RAD21L1: variants seen among roughly 807,000 people sequenced by gnomAD.
RAD21L1 encodes RAD21 cohesin complex component like 1.
In RAD21L1, 47 loss-of-function variants were observed where a neutral mutation model predicts 69.0. The ratio of observed to expected loss-of-function variants is 0.68; its 90% CI spans 0.54 to 0.87. The LOEUF is 0.87. Among genes scored for constraint, RAD21L1 ranks in the 40% least tolerant of loss-of-function variants. The pLI, the probability that RAD21L1 is intolerant of heterozygous loss-of-function variation, is 0.00. For synonymous variants in RAD21L1, 177 were observed against 205.8 expected (o/e 0.86, Z 1.20); for missense variants, 583 against 647.6 (o/e 0.90, Z 1.08).
rs1204140220 is a variant in RAD21L1 at position 1,255,233 on chromosome 20, C to A, written c.*776C>A. ...CATTAATGTGTCAGCAAAACTAAAT[C>A]TGCTTCTTATGTTTAAAAAAATTAG... On this transcript the variant is annotated 3_prime_UTR_variant, in exon 14 of 14. Coordinates refer to ENST00000683101, the MANE Select transcript of RAD21L1 (RefSeq NM_001384355.1). Among the ~76,000 whole-genome samples the A allele has an allele frequency of 6.6e-6, 1 of 152,150 alleles. No individual in the cohort carries two copies. Among genetic ancestry groups the A allele is most frequent in the Non-Finnish European group, 1.5e-5 (1 of 68,022 alleles).
In RAD21L1 at chr20:1,242,861, C is replaced by T. The variant is rs776734799; in HGVS notation, c.1083+16C>T. 5 of 1,478,608 alleles carry T rather than the reference C, an allele frequency of 3.4e-6. No individual in the cohort carries two copies. The Admixed American group carries it at 5.9e-5, about 17-fold the overall frequency. The allele number at this position is 1,478,608 out of a possible 1,614,324, so 91.6% of individuals were successfully genotyped here. A position where few individuals can be genotyped will look rare whatever the true frequency, so the allele number is the denominator to read the frequency against. On this transcript the variant is annotated intron_variant, in intron 9 of 13. Coordinates refer to ENST00000683101, the MANE Select transcript of RAD21L1 (RefSeq NM_001384355.1). ...ACTGAAAATGGTAACGGTTCCTACC[C>T]TTCTACATGTGAGCAATGTCTGGTT...
intron 12 of RAD21L1, among the ~76,000 whole-genome samples, chr20:1,248,389 T>C (rs928898488): frequency 1.3e-5 from 2 of 152,246 alleles, no homozygotes; most frequent in South Asian, 2.1e-4. Flanking sequence ...GAATCTCCTA[T>C]TTTGGAGCCT....
At position 1,239,409 on chromosome 20, in the gene RAD21L1, T is replaced by A. The variant is rs2122822457; in HGVS notation, c.742+2T>A. 1 of 1,520,160 alleles carries A rather than the reference T, an allele frequency of 6.6e-7. No individual in the cohort carries two copies. The highest frequency in any genetic ancestry group is 8.9e-7 in the Non-Finnish European group (1 of 1,120,724). 94.2% of individuals were successfully genotyped at this position (1,520,160 alleles called of 1,614,324 possible). A position where few individuals can be genotyped will look rare whatever the true frequency, so the allele number is the denominator to read the frequency against. ...CTGAGCCTCCCAATAGTTTAGCAGGTAGGTTGAAATTTTCCTTTATGAGAA... is the reference window on the plus strand; with the variant it reads ...CTGAGCCTCCCAATAGTTTAGCAGGAAGGTTGAAATTTTCCTTTATGAGAA... On this transcript the variant is annotated splice_donor_variant, in intron 7 of 13. Transcript: ENST00000683101. LOFTEE classifies it high-confidence loss of function.
chr20:1,250,414 G>A (rs746302616), intron 13 of RAD21L1, among the ~76,000 whole-genome samples: 36 of 151,958 alleles, frequency 2.4e-4, no homozygotes, highest in Middle Eastern at 3.4e-3. Flanking sequence ...GTGTCCAAGT[G>A]TTCTCATTTT....
rs1460361058 is a variant in RAD21L1 at position 1,250,242 on chromosome 20, C to CA, written c.1479+1539_1479+1540insA. 1.5e-4 allele frequency among the ~76,000 whole-genome samples: 22 copies of CA among 146,352 alleles called. No homozygotes were observed. The East Asian group carries it at 3.0e-3, about 20-fold the overall frequency. ...GGTGTATATGTGCCACATTTTCTTT[C>CA]TTTTTTTTTCTTTTTTTCTTTTTTA... On this transcript the variant is annotated intron_variant, in intron 13 of 13. Transcript: ENST00000683101.
chr20:1,254,980 T>G lies in RAD21L1; in HGVS notation c.*523T>G, dbSNP rs1216350156. ...CTTAAAAGGCTATTTTACATTGGAG[T>G]ATTTACTTGAATTTTATGGGGTTAA... On this transcript the variant is annotated 3_prime_UTR_variant, in exon 14 of 14. Coordinates refer to ENST00000683101, the MANE Select transcript of RAD21L1 (RefSeq NM_001384355.1). 1.3e-5 allele frequency among the ~76,000 whole-genome samples: 2 copies of G among 152,204 alleles called. No homozygotes were observed. The highest frequency in any genetic ancestry group is 2.9e-5 in the Non-Finnish European group (2 of 68,036).
chr20:1,243,120 C>A lies in RAD21L1; in HGVS notation c.1107C>A (p.Ser369=), dbSNP rs1226375606. Residue 369 remains serine, a synonymous_variant, in exon 10 of 14, where the codon TCC becomes TCA. Coordinates refer to ENST00000683101, the MANE Select transcript of RAD21L1 (RefSeq NM_001384355.1). ...AGTTGTTTACAAAATGCTTTCTGTC[C>A]TCTGGCTTTAAACTTGGAAGAAAAA... ...LKMLFTKCFL[S]SGFKLGRKMI... 6.5e-7 allele frequency: 1 copy of A among 1,534,642 alleles called. No individual in the cohort carries two copies. The highest frequency in any genetic ancestry group is 8.8e-7 in the Non-Finnish European group (1 of 1,141,224).
In RAD21L1 at chr20:1,244,050, A is replaced by G. The variant is rs1290466848; in HGVS notation, c.1188A>G (p.Thr396=). 6.5e-7 allele frequency: 1 copy of G among 1,549,092 alleles called. No individual in the cohort carries two copies. The highest frequency in any genetic ancestry group is 2.0e-5 in the Admixed American group (1 of 50,744). The stretch of plus-strand genomic sequence containing the variant: ...TTTATTTCCTTGATAATTCAGAGAC[A>G]TCCATGATGCAAGAGCCAAATTACC... ...EEVGNQNIVE[T]SMMQEPNYQQ... is the part of the protein sequence containing the mutation. Residue 396 remains threonine (T), a synonymous_variant, in exon 11 of 14, where the codon ACA becomes ACG. Transcript: ENST00000683101.
At chr20:1,227,281 A>G (rs1278947461) in intron 1 of RAD21L1, among the ~76,000 whole-genome samples, 1 of 152,270 alleles carries the variant, frequency 6.6e-6, no homozygotes, top group Non-Finnish European at 1.5e-5. Flanking sequence ...ATTTATTCCG[A>G]GAGAGCGAAA....
chr20:1,230,796 TTTA>T lies in RAD21L1; in HGVS notation c.275-724_275-722del, dbSNP rs1327553201. 18 of 492,962 alleles carry T rather than the reference TTTA, an allele frequency of 3.7e-5. 2 individuals are homozygous for T. Among genetic ancestry groups the T allele is most frequent in the Middle Eastern group, 1.0e-3 (1 of 966 alleles). 30.5% of individuals were successfully genotyped at this position (492,962 alleles called of 1,614,324 possible). A position where few individuals can be genotyped will look rare whatever the true frequency, so the allele number is the denominator to read the frequency against. On this transcript the variant is annotated intron_variant, in intron 3 of 13. Coordinates refer to ENST00000683101, the MANE Select transcript of RAD21L1 (RefSeq NM_001384355.1). ...ATATCAAGTATGGTTCATTTGTTCG[TTTA>T]TTATTTTTTTACATATTCCACAAAT... is the stretch of plus-strand genomic sequence containing the variant.
In RAD21L1 at chr20:1,254,494, A is replaced by T; in HGVS notation, c.*37A>T. ...ACATACAGATTTATGGCATCACTGG[A>T]ATTTCTGTGTAGATTGTTCAATTTA... On this transcript the variant is annotated 3_prime_UTR_variant, in exon 14 of 14. Coordinates refer to ENST00000683101, the MANE Select transcript of RAD21L1 (RefSeq NM_001384355.1). 7.1e-7 allele frequency: 1 copy of T among 1,400,252 alleles called. No individual in the cohort carries two copies. Among genetic ancestry groups the T allele is most frequent in the Non-Finnish European group, 9.6e-7 (1 of 1,045,942 alleles). The allele number at this position is 1,400,252 out of a possible 1,614,324, so 86.7% of individuals were successfully genotyped here. A position where few individuals can be genotyped will look rare whatever the true frequency, so the allele number is the denominator to read the frequency against.
At chr20:1,237,368 A>C (rs1184954821) in intron 5 of RAD21L1, among the ~76,000 whole-genome samples, 1 of 152,186 alleles carries the variant, frequency 6.6e-6, no homozygotes, top group African/African-American at 2.4e-5. Flanking sequence ...CTTGTCATTT[A>C]TTATAGTGTG....
intron 13 of RAD21L1, among the ~76,000 whole-genome samples, chr20:1,252,351 C>G (rs951188838): frequency 2.0e-5 from 3 of 152,054 alleles, no homozygotes; most frequent in Non-Finnish European, 4.4e-5. Context: ...TGGGTGGCAC[C>G]TCTCACCTTC....
At chr20:1,244,334 C>T (rs1294710145) in intron 11 of RAD21L1, among the ~76,000 whole-genome samples, 164 bp downstream of exon 11, 1 of 152,134 alleles carries the variant, frequency 6.6e-6, no homozygotes, top group Non-Finnish European at 1.5e-5. Flanking sequence ...TGATTTTCTT[C>T]TGCAGAATTT....
chr20:1,233,328 A>G (rs1387716543), intron 4 of RAD21L1, among the ~76,000 whole-genome samples: 2 of 152,112 alleles, frequency 1.3e-5, no homozygotes, highest in African/African-American at 4.8e-5. Context: ...AAAAGTAAAG[A>G]GAGAGAGGGA....
chr20:1,233,698 A>C (rs780696675), intron 4 of RAD21L1, among the ~76,000 whole-genome samples: 1 of 152,134 alleles, frequency 6.6e-6, no homozygotes, highest in Admixed American at 6.6e-5. Context: ...CTCTTTTATA[A>C]AGGCACTAAT....
chr20:1,229,600 C>A (rs1213318768), intron 2 of RAD21L1, among the ~76,000 whole-genome samples: 1 of 152,198 alleles, frequency 6.6e-6, no homozygotes, highest in Non-Finnish European at 1.5e-5. Flanking sequence ...GCCTCAGCAA[C>A]TGAACCAAGA....
Position 1,233,550 on chromosome 20 carries a change from T to C in RAD21L1, c.369-535T>C, listed in dbSNP as rs367897400. On this transcript the variant is annotated intron_variant, in intron 4 of 13. Transcript: ENST00000683101. ...CTTATTAACAATAGAAATTTAGTTATCATCATTCTGGAGGCTGAGAAATTC... is the reference window on the plus strand; with the variant it reads ...CTTATTAACAATAGAAATTTAGTTACCATCATTCTGGAGGCTGAGAAATTC... Among the ~76,000 whole-genome samples, 10 of 152,306 alleles carry C rather than the reference T, an allele frequency of 6.6e-5. No homozygotes were observed. In the East Asian group the frequency reaches 1.2e-3, roughly 18 times the overall value.
chr20:1,238,109 G>C lies in RAD21L1; in HGVS notation c.541G>C (p.Gly181Arg). ...FDDNILLNSS[G>R]PLIEHSSGSL... is the part of the protein sequence containing the mutation. ...TGACAACATATTACTGAATTCCAGT[G>C]GTCCTTTAATTGAACATAGTTCTGG... The change falls in exon 6 of 14, where the codon GGT becomes CGT. Residue 181 changes from glycine to arginine, a missense_variant. Physicochemically the swap from Gly to Arg is moderately radical, Grantham distance 125. Transcript: ENST00000683101. 6.5e-7 allele frequency: 1 copy of C among 1,542,136 alleles called. No homozygotes were observed. Among genetic ancestry groups the C allele is most frequent in the South Asian group, 1.2e-5 (1 of 82,660 alleles).
Sources: allele counts gnomAD v4.1 joint callset (sites outside exome capture counted in the v4.1 genomes callset), GRCh38; gene constraint gnomAD v4.1.1; transcripts MANE v1.5; gene names NCBI Gene and HGNC (gene_info 2026-07-23, HGNC 2026-07-21).